Variants in CD2AP observed in about 807,000 individuals in gnomAD.
CD2AP encodes CD2 associated protein.
CD2AP carries 46 observed loss-of-function variants against 85.1 expected under a neutral mutation model. The observed-to-expected ratio is 0.54, with a 90% confidence interval of 0.43 to 0.69. The LOEUF (loss-of-function observed/expected upper bound fraction) is 0.69, where lower values mean the gene tolerates loss of function less well. Among genes scored for constraint, CD2AP ranks in the 30% least tolerant of loss-of-function variants. The probability of loss-of-function intolerance (pLI) is 0.00; values close to 1 mark genes in which losing one functional copy is unlikely to be tolerated. For missense variants in CD2AP, 769 were observed against 729.5 expected, an observed-to-expected ratio of 1.05 and a Z score of -0.62; for synonymous variants, 255 against 252.9, an observed-to-expected ratio of 1.01 and a Z score of -0.08.
chr6:47,512,350 C>A (rs557823579), intron 2 of CD2AP, among the ~76,000 whole-genome samples: 24 of 152,126 alleles, frequency 1.6e-4, no homozygotes, highest in African/African-American at 4.8e-4. Flanking sequence ...TCAAAAAAAA[C>A]AAACATAAAA....
chr6:47,491,994 C>T (rs576991460), intron 1 of CD2AP, among the ~76,000 whole-genome samples: 36 of 151,976 alleles, frequency 2.4e-4, no homozygotes, highest in South Asian at 4.1e-4. Context: ...TGTTTTCAGT[C>T]GAGATTTCCT....
intron 2 of CD2AP, among the ~76,000 whole-genome samples, chr6:47,525,909 G>C (rs766574639): frequency 6.6e-6 from 1 of 152,056 alleles, no homozygotes; most frequent in East Asian, 1.9e-4. Flanking sequence ...TATGAAACTC[G>C]AGTTTTTCAG....
In CD2AP at chr6:47,539,439, A is replaced by G. The variant is rs558200488; in HGVS notation, c.320-5167A>G. The stretch of plus-strand genomic sequence containing the variant: ...GGCAGACCCACAGAAATAAGCAAGT[A>G]TATGGTATTTTTGAGGAGTAAAAAT... On this transcript the variant is annotated intron_variant, in intron 3 of 17. Transcript: ENST00000359314. Among the ~76,000 whole-genome samples, 11 of 152,312 alleles carry G rather than the reference A, an allele frequency of 7.2e-5. No homozygotes were observed. In the South Asian group the frequency reaches 1.7e-3, roughly 23 times the overall value.
At chr6:47,582,795 G>GTTTTTTTTTTTTTTTT in intron 11 of CD2AP, among the ~76,000 whole-genome samples, 1 of 91,410 alleles carries the variant, frequency 1.1e-5, no homozygotes. Flanking sequence ...TTTTTGTTTT[G>GTTTTTTTTTTTTTTTT]TTTTTTTTTT....
At chr6:47,618,685 C>T (rs1451482891) in intron 17 of CD2AP, among the ~76,000 whole-genome samples, 3 of 152,048 alleles carry the variant, frequency 2.0e-5, no homozygotes, top group Non-Finnish European at 4.4e-5. Flanking sequence ...GATAATGAGA[C>T]ATAAGAGGAA....
chr6:47,505,904 C>CA (rs1479848819), intron 2 of CD2AP, among the ~76,000 whole-genome samples: 2 of 112,480 alleles, frequency 1.8e-5, no homozygotes, highest in Admixed American at 8.1e-5. Flanking sequence ...GGGGGCTGAC[C>CA]CCCCCCACCT....
At chr6:47,493,226 A>G (rs931073891) in intron 1 of CD2AP, among the ~76,000 whole-genome samples, 1 of 151,986 alleles carries the variant, frequency 6.6e-6, no homozygotes, top group Non-Finnish European at 1.5e-5. Flanking sequence ...TTTTCTCTGA[A>G]GAACTTCCTT....
rs1216704373 is a variant in CD2AP at position 47,623,885 on chromosome 6, T to C, written c.1879-301T>C. Among the ~76,000 whole-genome samples the C allele has an allele frequency of 3.9e-5, 6 of 152,212 alleles. No individual in the cohort carries two copies. In the South Asian group the frequency reaches 6.2e-4, roughly 16 times the overall value. On this transcript the variant is annotated intron_variant, in intron 17 of 17. Coordinates refer to ENST00000359314, the MANE Select transcript of CD2AP (RefSeq NM_012120.3). The stretch of plus-strand genomic sequence containing the variant: ...CTTAATTTGGTTTCAAGGATTCTTT[T>C]GTTCTTTGTAGGACTGACTGATTTT...
rs1301846852 is a variant in CD2AP at position 47,581,871 on chromosome 6, A to G, written c.1046-132A>G. The G allele has an allele frequency of 4.5e-6, 3 of 660,024 alleles. No homozygotes were observed. The African/African-American group carries it at 5.4e-5, about 12-fold the overall frequency. The allele number at this position is 660,024 out of a possible 1,614,324, so 40.9% of individuals were successfully genotyped here. On this transcript the variant is annotated intron_variant, in intron 10 of 17. Coordinates refer to ENST00000359314, the MANE Select transcript of CD2AP (RefSeq NM_012120.3). The stretch of plus-strand genomic sequence containing the variant: ...AGAAATTGAGCCTGGTAATTCCGGT[A>G]CATTGTTCTTTCTATTAAACCATGG...
rs780336709 is a variant in CD2AP, at chr6:47,576,645, C to T, written c.808+43C>T. 4 of 1,329,510 alleles carry T rather than the reference C, an allele frequency of 3.0e-6. No individual in the cohort carries two copies. In the South Asian group the frequency reaches 4.7e-5, roughly 16 times the overall value. 82.4% of individuals were successfully genotyped at this position (1,329,510 alleles called of 1,614,324 possible). A position where few individuals can be genotyped will look rare whatever the true frequency, so the allele number is the denominator to read the frequency against. ...GCTTTCATATTGGGAATAGTAGAAA[C>T]ATACTCAAATGTATTAAGAGACTTG... On this transcript the variant is annotated intron_variant, in intron 7 of 17. Coordinates refer to ENST00000359314, the MANE Select transcript of CD2AP (RefSeq NM_012120.3).
At chr6:47,493,593 G>C (rs973363624) in intron 1 of CD2AP, among the ~76,000 whole-genome samples, 2 of 151,910 alleles carry the variant, frequency 1.3e-5, no homozygotes, top group African/African-American at 4.8e-5. Flanking sequence ...CGGATGTGTG[G>C]TTTGGTGTAC....
At chr6:47,589,543 C>CAT (rs1037155048) in intron 11 of CD2AP, among the ~76,000 whole-genome samples, 26 of 95,108 alleles carry the variant, frequency 2.7e-4, no homozygotes, top group East Asian at 9.4e-4. Context: ...CATATGTACA[C>CAT]ATATATATAC....
At position 47,582,024 on chromosome 6, in the gene CD2AP, C is replaced by A; in HGVS notation, c.1067C>A (p.Ala356Asp). 1 of 1,608,328 alleles carries A rather than the reference C, an allele frequency of 6.2e-7. No homozygotes were observed. The highest frequency in any genetic ancestry group is 1.1e-5 in the South Asian group (1 of 90,936). The change falls in exon 11 of 18, where the codon GCT (alanine) becomes GAT (aspartate). Residue 356 changes from alanine to aspartate, a missense_variant. Physicochemically the swap from Ala to Asp is moderately radical, Grantham distance 126. Transcript: ENST00000359314. ...KAPAPKPELI[A>D]AEKKYFSLKP... ...ATAGCTCCAAAGCCTGAACTGATAG[C>A]TGCAGAGAAGAAATATTTTTCTTTA... is the stretch of plus-strand genomic sequence containing the variant.
At chr6:47,604,699 A>T (rs1447547061) in intron 13 of CD2AP, among the ~76,000 whole-genome samples, 1 of 152,082 alleles carries the variant, frequency 6.6e-6, no homozygotes, top group Non-Finnish European at 1.5e-5. Context: ...TACAAATAAC[A>T]TGACATTTAA....
intron 13 of CD2AP, among the ~76,000 whole-genome samples, chr6:47,605,676 AAC>A (rs1454942871): frequency 1.3e-5 from 2 of 152,070 alleles, no homozygotes; most frequent in Non-Finnish European, 2.9e-5. Context: ...TATATTGAGA[AAC>A]ACAAATCAAA....
chr6:47,620,150 A>G (rs575572081), intron 17 of CD2AP, among the ~76,000 whole-genome samples: 6 of 152,266 alleles, frequency 3.9e-5, no homozygotes, highest in Non-Finnish European at 8.8e-5. Context: ...CAATAACTAG[A>G]AGGGTTTTTC....
intron 2 of CD2AP, among the ~76,000 whole-genome samples, chr6:47,505,794 C>CA (rs1766140027): frequency 1.1e-5 from 1 of 88,756 alleles, no homozygotes; most frequent in Non-Finnish European, 2.4e-5. Context: ...GCTGGCCGGG[C>CA]GGGGGGCTGA....
chr6:47,569,776 T>C (rs1330144694), intron 5 of CD2AP, among the ~76,000 whole-genome samples: 1 of 152,128 alleles, frequency 6.6e-6, no homozygotes, highest in Non-Finnish European at 1.5e-5. Flanking sequence ...AATTTGTTAG[T>C]CTGCAGGCTA....
At chr6:47,529,868 G>C (rs1766826150) in intron 2 of CD2AP, among the ~76,000 whole-genome samples, 1 of 152,176 alleles carries the variant, frequency 6.6e-6, no homozygotes, top group African/African-American at 2.4e-5. Context: ...TGCTCGCCTT[G>C]CTATTCTTGA....
Sources: gnomAD v4.1 joint callset for allele counts (sites outside exome capture counted in the v4.1 genomes callset) on GRCh38, gnomAD v4.1.1 for gene constraint, MANE v1.5 for transcripts, NCBI Gene and HGNC (gene_info 2026-07-23, HGNC 2026-07-21) for gene names.